Variants in KANSL1 observed in about 807,000 individuals in gnomAD.
The protein encoded by KANSL1 is MLL1/MLL complex subunit KANSL1.
Under a neutral mutation model 103.6 loss-of-function variants are expected in KANSL1, and 22 were observed. The ratio of observed to expected loss-of-function variants is 0.21; its 90% confidence interval spans 0.15 to 0.30. KANSL1 has a LOEUF of 0.30. Ranked by LOEUF, KANSL1 falls within the 10% of genes least tolerant of loss-of-function variation. The pLI is 1.00. For missense variants in KANSL1, 1,337 were observed against 1,399.8 expected (o/e 0.96, Z 0.72); for synonymous variants, 600 against 527.6 (o/e 1.14, Z -1.88).
chr17:46,096,193 T>C (rs1206922964), intron 2 of KANSL1, among the ~76,000 whole-genome samples: 2 of 151,296 alleles, frequency 1.3e-5, no homozygotes, highest in African/African-American at 2.4e-5. Context: ...TGAGGCTGGA[T>C]TGTGGTGGTG....
At chr17:46,072,845 T>C (rs2078626794) in intron 4 of KANSL1, among the ~76,000 whole-genome samples, 1 of 152,224 alleles carries the variant, frequency 6.6e-6, no homozygotes, top group Non-Finnish European at 1.5e-5. Flanking sequence ...CATAATGCTG[T>C]TACTAATCCA....
chr17:46,181,629 A>G (rs1352934365), intron 1 of KANSL1, among the ~76,000 whole-genome samples: 3 of 152,136 alleles, frequency 2.0e-5, no homozygotes, highest in Admixed American at 6.6e-5. Context: ...ATGGGGTTTC[A>G]CCACGTTGGC....
intron 4 of KANSL1, among the ~76,000 whole-genome samples, chr17:46,082,122 G>A (rs751894775): frequency 1.3e-5 from 2 of 152,024 alleles, no homozygotes; most frequent in Non-Finnish European, 2.9e-5. Context: ...GCCCAGAAAG[G>A]TGACCTTATG....
At chr17:46,072,898 ATAAC>A (rs1294228219) in intron 4 of KANSL1, among the ~76,000 whole-genome samples, 2 of 152,240 alleles carry the variant, frequency 1.3e-5, no homozygotes, top group Non-Finnish European at 2.9e-5. Context: ...ACACTTGAAA[ATAAC>A]TATCTAGAAT....
chr17:46,041,916 T>TGTGTGTGTGTGTGTA (rs2077338121), intron 7 of KANSL1: 1 of 80,736 alleles, frequency 1.2e-5, no homozygotes, highest in African/African-American at 4.9e-5. Flanking sequence ...GTGTGTATAT[T>TGTGTGTGTGTGTGTA]TTTTTTTTTT....
chr17:46,133,128 G>A (rs746006324), intron 2 of KANSL1, among the ~76,000 whole-genome samples: 37 of 152,160 alleles, frequency 2.4e-4, no homozygotes, highest in Non-Finnish European at 3.1e-4. Flanking sequence ...AAGAAAAACT[G>A]AGGTTCAGGT....
intron 2 of KANSL1, among the ~76,000 whole-genome samples, chr17:46,100,009 A>G (rs1390747402): frequency 6.6e-6 from 1 of 152,248 alleles, no homozygotes; most frequent in African/African-American, 2.4e-5. Flanking sequence ...ATTGGTTTAC[A>G]TAAGAAATAT....
intron 7 of KANSL1, chr17:46,045,960 C>T (rs1306570057): frequency 6.6e-6 from 1 of 152,190 alleles, no homozygotes. Context: ...AAGTATGAGA[C>T]TATACAATTC....
Position 46,082,424 on chromosome 17 carries a change from C to T in KANSL1, c.1533+17G>A. 2 of 1,529,172 alleles carry T rather than the reference C, an allele frequency of 1.3e-6. No individual in the cohort carries two copies. The highest frequency in any genetic ancestry group is 1.8e-6 in the Non-Finnish European group (2 of 1,104,768). The allele number at this position is 1,529,172 out of a possible 1,614,324, so 94.7% of individuals were successfully genotyped here. On this transcript the variant is annotated intron_variant, in intron 4 of 14. Coordinates refer to ENST00000432791, the MANE Select transcript of KANSL1 (RefSeq NM_015443.4). ...TTAATTCTCACGCATTTCCCCCTTT[C>T]TATCTTTTATACTTACCAATTTATC...
At position 46,143,803 on chromosome 17, in the gene KANSL1, CAAAAAAAAA is replaced by C. The variant is rs57361021; in HGVS notation, c.1289+27043_1289+27051del. On this transcript the variant is annotated intron_variant, in intron 2 of 14. Coordinates refer to ENST00000432791, the MANE Select transcript of KANSL1 (RefSeq NM_015443.4). ...TGGGCGACAGAGCGAGACTCCATCT[CAAAAAAAAA>C]AAAAAAAAAAAAAAAAGAAGTTGTT... Among the ~76,000 whole-genome samples, 72 of 85,540 alleles carry C rather than the reference CAAAAAAAAA, an allele frequency of 8.4e-4. 1 individual carries two copies. Among genetic ancestry groups the C allele is most frequent in the African/African-American group, 2.9e-3 (51 of 17,724 alleles). The allele number at this position is 85,540 out of a possible 152,430, so 56.1% of individuals were successfully genotyped here.
chr17:46,055,473 A>T (rs1451734430), intron 6 of KANSL1, among the ~76,000 whole-genome samples: 2 of 151,954 alleles, frequency 1.3e-5, no homozygotes, highest in Non-Finnish European at 2.9e-5. Context: ...CTCAAAAAAA[A>T]AAAAAAGTGA....
intron 2 of KANSL1, among the ~76,000 whole-genome samples, chr17:46,119,031 C>T (rs190430875): frequency 6.6e-6 from 1 of 152,352 alleles, no homozygotes; most frequent in East Asian, 1.9e-4. Flanking sequence ...AAATGTGTAT[C>T]ACCAGCCTTA....
chr17:46,224,924 G>T (rs1326698409), upstream of KANSL1: 5 of 151,738 alleles, frequency 3.3e-5, no homozygotes, highest in African/African-American at 7.2e-5. Context: ...GCTTCAGGAG[G>T]GGCGCCCCGC....
At chr17:46,101,604 A>T (rs1243886990) in intron 2 of KANSL1, among the ~76,000 whole-genome samples, 6 of 151,942 alleles carry the variant, frequency 3.9e-5, no homozygotes, top group Admixed American at 3.3e-4. Flanking sequence ...ACAAAAAAAA[A>T]TTAGCCGGGC....
chr17:46,066,592 C>A lies in KANSL1; in HGVS notation c.1793G>T (p.Ser598Ile), dbSNP rs1404586595. 1 of 1,614,114 alleles carries A rather than the reference C, an allele frequency of 6.2e-7. No homozygotes were observed. The highest frequency in any genetic ancestry group is 8.5e-7 in the Non-Finnish European group (1 of 1,179,990). Residue 598 changes from serine to isoleucine, a missense_variant, in exon 6 of 15, where the codon AGC becomes ATC. This residue lies in a region of KANSL1 where 780 missense variants were observed against 923.4 expected (regional missense o/e 0.84). Transcript: ENST00000432791. ...TCGAACAAGCCTCCGCTTCTTACAGCTCAGTACAGGACGTGTCCGGGCTGC... is the reference window on the plus strand; with the variant it reads ...TCGAACAAGCCTCCGCTTCTTACAGATCAGTACAGGACGTGTCCGGGCTGC... ...CVAARTRPVLSCKKRRLVRPN... is the reference protein window; with the variant it reads ...CVAARTRPVLICKKRRLVRPN...
intron 2 of KANSL1, among the ~76,000 whole-genome samples, chr17:46,111,587 C>T (rs998934428): frequency 3.9e-5 from 6 of 152,110 alleles, no homozygotes; most frequent in Non-Finnish European, 7.4e-5. Flanking sequence ...TCAATAGATA[C>T]GGATGGTATT....
chr17:46,164,455 A>C (rs971891584), intron 2 of KANSL1, among the ~76,000 whole-genome samples: 2 of 152,280 alleles, frequency 1.3e-5, no homozygotes, highest in South Asian at 4.1e-4. Flanking sequence ...AGGGGCATTA[A>C]ATCAAAGGTG....
intron 6 of KANSL1, among the ~76,000 whole-genome samples, chr17:46,054,995 C>G (rs958525551): frequency 1.3e-5 from 2 of 151,198 alleles, no homozygotes; most frequent in Non-Finnish European, 3.0e-5. Flanking sequence ...GGACTATAGG[C>G]GCCCGCCACA....
At chr17:46,185,378 C>T (rs947258517) in intron 1 of KANSL1, among the ~76,000 whole-genome samples, 8 of 152,156 alleles carry the variant, frequency 5.3e-5, no homozygotes, top group African/African-American at 1.9e-4. Context: ...TTTACTTGAC[C>T]AAGCACCTGT....
Sources: allele counts gnomAD v4.1 joint callset (sites outside exome capture counted in the v4.1 genomes callset), GRCh38; gene constraint gnomAD v4.1.1; regional missense constraint gnomAD v4.1.1; transcripts MANE v1.5; gene names NCBI Gene and HGNC (gene_info 2026-07-23, HGNC 2026-07-21).